The following KCNAB1 variants were observed in gnomAD, a reference collection of about 807,000 sequenced individuals.
The protein encoded by KCNAB1 is voltage-gated potassium channel subunit beta-1.
KCNAB1 carries 35 observed loss-of-function variants against 64.6 expected under a neutral mutation model. The ratio of observed to expected loss-of-function variants is 0.54; its 90% CI spans 0.41 to 0.72. KCNAB1 has a LOEUF of 0.72. KCNAB1 is among the 30% of genes least tolerant of loss of function. The probability of loss-of-function intolerance (pLI) is 0.00; values close to 1 mark genes in which losing one functional copy is unlikely to be tolerated. For missense variants in KCNAB1, 401 were observed against 512.9 expected, an observed-to-expected ratio of 0.78 and a Z score of 2.11; for synonymous variants, 177 against 183.8, an observed-to-expected ratio of 0.96 and a Z score of 0.30.
intron 2 of KCNAB1, among the ~76,000 whole-genome samples, chr3:156,425,079 T>C (rs1251054325): frequency 6.6e-6 from 1 of 152,230 alleles, no homozygotes; most frequent in Non-Finnish European, 1.5e-5. Context: ...AGATAATTTG[T>C]CAGGCTCTGC....
intron 2 of KCNAB1, among the ~76,000 whole-genome samples, chr3:156,441,743 G>T (rs367823363): frequency 6.6e-6 from 1 of 152,112 alleles, no homozygotes; most frequent in Non-Finnish European, 1.5e-5. Context: ...TAACAATGCA[G>T]ATTGTTTTAA....
intron 2 of KCNAB1, among the ~76,000 whole-genome samples, chr3:156,432,086 G>A (rs1261902864): frequency 6.6e-6 from 1 of 152,136 alleles, no homozygotes; most frequent in Non-Finnish European, 1.5e-5. Flanking sequence ...GGAAATAGTG[G>A]CTGAGGTAAT....
chr3:156,286,129 T>A (rs994093590), intron 1 of KCNAB1, among the ~76,000 whole-genome samples: 2 of 152,244 alleles, frequency 1.3e-5, no homozygotes, highest in Non-Finnish European at 2.9e-5. Flanking sequence ...TTTGTTCTAT[T>A]CAGCAGAGCC....
At chr3:156,433,863 G>T (rs535727126) in intron 2 of KCNAB1, among the ~76,000 whole-genome samples, 31 of 152,116 alleles carry the variant, frequency 2.0e-4, no homozygotes, top group Admixed American at 5.2e-4. Flanking sequence ...TTATCAATAT[G>T]TTGCCCCGTG....
intron 1 of KCNAB1, among the ~76,000 whole-genome samples, chr3:156,331,202 T>G (rs1723305917): frequency 6.6e-6 from 1 of 152,232 alleles, no homozygotes; most frequent in Admixed American, 6.5e-5. Flanking sequence ...AAAACTATAC[T>G]AAGATCCTTT....
chr3:156,475,159 C>T (rs987520350), intron 8 of KCNAB1, among the ~76,000 whole-genome samples: 4 of 152,192 alleles, frequency 2.6e-5, no homozygotes, highest in African/African-American at 9.6e-5. Flanking sequence ...ATCATCGCGT[C>T]ACAGTAAATC....
At chr3:156,524,163 TATAAC>T (rs758392128) in intron 12 of KCNAB1, 266 of 482,470 alleles carry the variant, frequency 5.5e-4, no homozygotes, top group Non-Finnish European at 8.4e-4. Flanking sequence ...TCCTTGCTCT[TATAAC>T]ATAGTTTAAA....
chr3:156,118,694 C>G (rs73026670), upstream of KCNAB1, among the ~76,000 whole-genome samples: 2,632 of 152,316 alleles, frequency 0.017, 95 homozygotes, highest in African/African-American at 0.061. Flanking sequence ...CTCTTAAACA[C>G]AACAGCACTG....
At chr3:156,368,676 G>A (rs1039137255) in intron 1 of KCNAB1, among the ~76,000 whole-genome samples, 3 of 152,172 alleles carry the variant, frequency 2.0e-5, no homozygotes, top group Non-Finnish European at 4.4e-5. Flanking sequence ...TTATTAATAA[G>A]TGTGACCTCA....
chr3:156,481,419 CAAAAA>C (rs34963527), intron 8 of KCNAB1, among the ~76,000 whole-genome samples: 3 of 119,476 alleles, frequency 2.5e-5, no homozygotes, highest in Admixed American at 9.1e-5. Flanking sequence ...AAGCTTGTTG[CAAAAA>C]AAAAAAAAAA....
chr3:156,131,297 A>G (rs1713981689), intron 1 of KCNAB1, among the ~76,000 whole-genome samples: 1 of 152,230 alleles, frequency 6.6e-6, no homozygotes, highest in Non-Finnish European at 1.5e-5. Flanking sequence ...CAGGTATGTG[A>G]AATGTCGTCA....
chr3:156,233,644 A>G (rs1716668926), intron 1 of KCNAB1, among the ~76,000 whole-genome samples: 2 of 152,132 alleles, frequency 1.3e-5, no homozygotes, highest in Admixed American at 6.6e-5. Flanking sequence ...AAAAGCAGAA[A>G]GGCCTGTTAG....
chr3:156,346,613 CT>C (rs1724500572), intron 1 of KCNAB1, among the ~76,000 whole-genome samples: 1 of 152,076 alleles, frequency 6.6e-6, no homozygotes, highest in Non-Finnish European at 1.5e-5. Context: ...ACCAGTTTTT[CT>C]TTCCTAAAAA....
At chr3:156,175,243 TA>T (rs896380026) in intron 1 of KCNAB1, among the ~76,000 whole-genome samples, 11 of 146,374 alleles carry the variant, frequency 7.5e-5, no homozygotes, top group East Asian at 4.0e-4. Flanking sequence ...AGTTACTAAA[TA>T]AAAAAAAAAT....
At chr3:156,353,813 G>A (rs746835098) in intron 1 of KCNAB1, among the ~76,000 whole-genome samples, 1 of 152,202 alleles carries the variant, frequency 6.6e-6, no homozygotes, top group Non-Finnish European at 1.5e-5. Context: ...ACTTTTTTGT[G>A]TGACCTAATC....
intron 1 of KCNAB1, among the ~76,000 whole-genome samples, chr3:156,296,471 C>CG (rs1720788136): frequency 7.7e-6 from 1 of 129,522 alleles, no homozygotes; most frequent in South Asian, 2.5e-4. Flanking sequence ...TCCCCCCCCC[C>CG]CCACCTTTTT....
At chr3:156,401,407 T>G (rs368880889) in intron 1 of KCNAB1, among the ~76,000 whole-genome samples, 4 of 152,374 alleles carry the variant, frequency 2.6e-5, no homozygotes, top group African/African-American at 9.6e-5. Context: ...CATGAATCAC[T>G]GAATTGAGTC....
At chr3:156,421,163 C>T (rs1406318198) in intron 1 of KCNAB1, among the ~76,000 whole-genome samples, 1 of 152,146 alleles carries the variant, frequency 6.6e-6, no homozygotes, top group African/African-American at 2.4e-5. Context: ...TACCGTGTGT[C>T]AGGCCATTCA....
At chr3:156,150,339 C>T (rs114771681) in intron 1 of KCNAB1, among the ~76,000 whole-genome samples, 2,755 of 152,174 alleles carry the variant, frequency 0.018, 40 homozygotes, top group Middle Eastern at 0.054. Context: ...GAGTGAGAGA[C>T]GAGTGCTGCT....
Sources: allele counts gnomAD v4.1 joint callset (sites outside exome capture counted in the v4.1 genomes callset), GRCh38; gene constraint gnomAD v4.1.1; transcripts MANE v1.5; gene names NCBI Gene and HGNC (gene_info 2026-07-23, HGNC 2026-07-21).